Variants in PCDHA11 observed in about 807,000 individuals in gnomAD.
PCDHA11 encodes the protein protocadherin alpha-11.
In PCDHA11, 61 loss-of-function variants were observed where a neutral mutation model predicts 70.3. The ratio of observed to expected loss-of-function variants is 0.87; its 90% CI spans 0.71 to 1.07. PCDHA11 has a LOEUF of 1.07. Among genes scored for constraint, PCDHA11 ranks in the 50% least tolerant of loss-of-function variants. The pLI is 0.00. For missense variants in PCDHA11, 1,324 were observed against 1,237.5 expected, an observed-to-expected ratio of 1.07 and a Z score of -1.05; for synonymous variants, 633 against 555.1, an observed-to-expected ratio of 1.14 and a Z score of -1.97.
chr5:140,993,546 G>A (rs1013720873), intron 3 of PCDHA11, among the ~76,000 whole-genome samples: 4 of 151,434 alleles, frequency 2.6e-5, no homozygotes, highest in Non-Finnish European at 5.9e-5. Context: ...AGATAGAGAA[G>A]TGAAGTATAT....
At chr5:140,874,326 GT>G (rs150189539) in intron 1 of PCDHA11, among the ~76,000 whole-genome samples, 3,860 of 152,194 alleles carry the variant, frequency 0.025, 154 homozygotes, top group African/African-American at 0.088. Flanking sequence ...GATCTTATCT[GT>G]TTTTTTCTCT....
intron 1 of PCDHA11, among the ~76,000 whole-genome samples, chr5:140,873,279 A>G (rs1292548146): frequency 6.6e-6 from 1 of 152,200 alleles, no homozygotes; most frequent in African/African-American, 2.4e-5. Flanking sequence ...CCATCATACC[A>G]CTTATGAAAC....
At chr5:140,878,552 C>A (rs1035509057) in intron 1 of PCDHA11, among the ~76,000 whole-genome samples, 1 of 152,130 alleles carries the variant, frequency 6.6e-6, no homozygotes, top group Non-Finnish European at 1.5e-5. Flanking sequence ...TTCAGATGAT[C>A]CCAAACTTAT....
intron 2 of PCDHA11, among the ~76,000 whole-genome samples, chr5:140,981,682 C>T (rs2096944253): frequency 6.6e-6 from 1 of 151,668 alleles, no homozygotes; most frequent in South Asian, 2.1e-4. Flanking sequence ...TCCTTCCTCC[C>T]TTCCATCATT....
In PCDHA11 at chr5:140,869,649, A is replaced by G. The variant is rs1446407712; in HGVS notation, c.546A>G (p.Ser182=). ...AAAATGAGTATTTTTCTTTAGATTC[A>G]CCAACAAATGGTAAGCAGATTAAAA... ...LSKNEYFSLD[S]PTNGKQIKRL... The change falls in exon 1 of 4, where the codon TCA becomes TCG. Residue 182 remains serine (S), a synonymous_variant. Transcript: ENST00000398640. 4.3e-6 allele frequency: 7 copies of G among 1,613,476 alleles called. No individual in the cohort carries two copies. In the African/African-American group the frequency reaches 6.7e-5, roughly 15 times the overall value.
chr5:140,964,968 G>A lies in PCDHA11; in HGVS notation c.2392-13981G>A, dbSNP rs566051914. On this transcript the variant is annotated intron_variant, in intron 1 of 3. Coordinates refer to ENST00000398640, the MANE Select transcript of PCDHA11 (RefSeq NM_018902.5). ...GAGTGTGCTTGGTTGGTGGAACGAA[G>A]GGATGTGCTAGTTCAGGCCTTTGAA... 3.9e-5 allele frequency among the ~76,000 whole-genome samples: 6 copies of A among 152,326 alleles called. No individual in the cohort carries two copies. In the South Asian group the frequency reaches 1.0e-3, roughly 26 times the overall value.
rs781941183 is a variant in PCDHA11, at chr5:140,884,613, C to T, written c.2391+13119C>T. On this transcript the variant is annotated intron_variant, in intron 1 of 3. Transcript: ENST00000398640. ...CCCAGCCTTCCTCCTTGTCTGGGTT[C>T]TGCAGAGGGAACAGGCCAGAGGGAG... 3 of 1,614,086 alleles carry T rather than the reference C, an allele frequency of 1.9e-6. No individual in the cohort carries two copies. The South Asian group carries it at 3.3e-5, about 18-fold the overall frequency.
rs1200077477 is a variant in PCDHA11, at chr5:140,898,429, C to T, written c.2391+26935C>T. 2.1e-3 allele frequency among the ~76,000 whole-genome samples: 312 copies of T among 150,132 alleles called. 2 individuals are homozygous for T. Among genetic ancestry groups the T allele is most frequent in the African/African-American group, 7.3e-3 (294 of 40,066 alleles). On this transcript the variant is annotated intron_variant, in intron 1 of 3. Coordinates refer to ENST00000398640, the MANE Select transcript of PCDHA11 (RefSeq NM_018902.5). ...ATACGGCTAGCCAGTTTTCCCAGCACCATTTATTAAATAGGGAATCCTTTC... is the reference window on the plus strand; with the variant it reads ...ATACGGCTAGCCAGTTTTCCCAGCATCATTTATTAAATAGGGAATCCTTTC...
At chr5:140,907,582 G>C (rs978225789) in intron 1 of PCDHA11, among the ~76,000 whole-genome samples, 8 of 152,190 alleles carry the variant, frequency 5.3e-5, no homozygotes, top group African/African-American at 1.9e-4. Context: ...CAGGTAGCTG[G>C]CTGATCACCC....
At chr5:140,931,975 T>C (rs2087911858) in intron 1 of PCDHA11, among the ~76,000 whole-genome samples, 1 of 151,962 alleles carries the variant, frequency 6.6e-6, no homozygotes, top group Non-Finnish European at 1.5e-5. Flanking sequence ...CATATGTGTT[T>C]ATATTTTGCT....
At chr5:140,985,579 C>T (rs2097158687) in intron 3 of PCDHA11, among the ~76,000 whole-genome samples, 1 of 152,084 alleles carries the variant, frequency 6.6e-6, no homozygotes, top group African/African-American at 2.4e-5. Context: ...GTGCCTAAGC[C>T]TCCTTATACT....
At chr5:140,985,075 C>G (rs1477852280) in intron 3 of PCDHA11, among the ~76,000 whole-genome samples, 2 of 151,968 alleles carry the variant, frequency 1.3e-5, no homozygotes, top group Non-Finnish European at 2.9e-5. Context: ...GTAGCTGAGA[C>G]TACAGGCGTG....
chr5:140,882,270 T>C lies in PCDHA11; in HGVS notation c.2391+10776T>C, dbSNP rs782125538. ...GCTCTGAGGTTTTTGGAGTGTACCA[T>C]GCTGTCTTCCTGGCAAGGAGGCCCA... On this transcript the variant is annotated intron_variant, in intron 1 of 3. Coordinates refer to ENST00000398640, the MANE Select transcript of PCDHA11 (RefSeq NM_018902.5). 35 of 1,611,468 alleles carry C rather than the reference T, an allele frequency of 2.2e-5. 1 individual carries two copies. The South Asian group carries it at 3.9e-4, about 18-fold the overall frequency.
chr5:140,939,018 T>G (rs1554212547), intron 1 of PCDHA11, among the ~76,000 whole-genome samples: 1 of 152,228 alleles, frequency 6.6e-6, no homozygotes, highest in Non-Finnish European at 1.5e-5. Context: ...TTACTTTTCT[T>G]TTACTTATTC....
intron 1 of PCDHA11, among the ~76,000 whole-genome samples, chr5:140,935,347 T>C (rs886241397): frequency 1.3e-5 from 2 of 152,180 alleles, no homozygotes; most frequent in African/African-American, 4.8e-5. Flanking sequence ...ATACGTCAAA[T>C]CCCAGTTTTC....
chr5:140,884,577 T>G, intron 1 of PCDHA11: 1 of 1,614,230 alleles, frequency 6.2e-7, no homozygotes, highest in Non-Finnish European at 8.5e-7. Context: ...ACGGACCTCA[T>G]GGCCTTCAGT....
rs1285443769 is a variant in PCDHA11, at chr5:141,010,273, G to A, written c.*336G>A. 3.9e-6 allele frequency: 6 copies of A among 1,551,420 alleles called. No individual in the cohort carries two copies. The African/African-American group carries it at 8.2e-5, about 21-fold the overall frequency. Reference sequence around the variant, plus strand: ...CTCTGCCCTGTGCTCCGGGGATCCTGTCTTGATGACACTTGCAGGGCAGGC... The same window carrying A: ...CTCTGCCCTGTGCTCCGGGGATCCTATCTTGATGACACTTGCAGGGCAGGC... On this transcript the variant is annotated 3_prime_UTR_variant, in exon 4 of 4. Coordinates refer to ENST00000398640, the MANE Select transcript of PCDHA11 (RefSeq NM_018902.5).
chr5:140,914,042 T>C (rs2076573370), intron 1 of PCDHA11, among the ~76,000 whole-genome samples: 1 of 152,222 alleles, frequency 6.6e-6, no homozygotes, highest in South Asian at 2.1e-4. Context: ...AGAATGTGTA[T>C]TCTGCAGCTG....
intron 1 of PCDHA11, among the ~76,000 whole-genome samples, chr5:140,965,867 C>T (rs1267904737): frequency 1.3e-5 from 2 of 152,164 alleles, no homozygotes; most frequent in Non-Finnish European, 2.9e-5. Context: ...AAAATAAGGG[C>T]CACTTGGCCG....
Sources: gnomAD v4.1 joint callset for allele counts (sites outside exome capture counted in the v4.1 genomes callset) on GRCh38, gnomAD v4.1.1 for gene constraint, MANE v1.5 for transcripts, NCBI Gene and HGNC (gene_info 2026-07-23, HGNC 2026-07-21) for gene names.